Variants in SYNE2 observed in about 807,000 individuals in gnomAD.
The protein encoded by SYNE2 is nesprin-2.
A neutral mutation model predicts 856.3 loss-of-function variants in SYNE2; 431 were observed. The observed-to-expected ratio is 0.50, with a 90% CI of 0.47 to 0.55. SYNE2 has a LOEUF of 0.55. SYNE2 is among the 20% of genes least tolerant of loss of function. The probability of loss-of-function intolerance (pLI) is 0.00; values close to 1 mark genes in which losing one functional copy is unlikely to be tolerated. For missense variants in SYNE2, 8,129 were observed against 8,023.2 expected (o/e 1.01, Z -0.50); for synonymous variants, 2,923 against 2,872.3 (o/e 1.02, Z -0.56).
intron 1 of SYNE2, among the ~76,000 whole-genome samples, chr14:63,896,702 T>A (rs188874449): frequency 1.3e-5 from 2 of 152,344 alleles, no homozygotes; most frequent in South Asian, 2.1e-4. Flanking sequence ...TTCTCCTGAC[T>A]CTAAGTCTAG....
intron 7 of SYNE2, among the ~76,000 whole-genome samples, chr14:63,953,537 G>GAT (rs780493250): frequency 0.044 from 5,208 of 118,788 alleles, 310 homozygotes; most frequent in African/African-American, 0.16. Flanking sequence ...TAGATAGAGA[G>GAT]AGAGAGAGAT....
chr14:64,155,955 C>G (rs78580793), intron 85 of SYNE2, among the ~76,000 whole-genome samples: 5,783 of 152,200 alleles, frequency 0.038, 339 homozygotes, highest in African/African-American at 0.13. Flanking sequence ...TCTGTATCTT[C>G]GGTCAGGTTA....
chr14:64,216,438 AC>A, intron 108 of SYNE2, 51 bp downstream of exon 108: 1 of 1,594,846 alleles, frequency 6.3e-7, no homozygotes, highest in Non-Finnish European at 8.6e-7. Flanking sequence ...AGTCATACTT[AC>A]ATTTGCAAGA....
rs2775001 is a variant in SYNE2, at chr14:63,950,096, A to G, written c.590+90A>G. 0.54 allele frequency: 733,226 copies of G among 1,353,818 alleles called. 202,916 individuals are homozygous for G. The highest frequency in any genetic ancestry group is 0.58 in the South Asian group (49,362 of 85,232). The allele number at this position is 1,353,818 out of a possible 1,614,324, so 83.9% of individuals were successfully genotyped here. On this transcript the variant is annotated intron_variant, in intron 7 of 115. Coordinates refer to ENST00000555002, the MANE Select transcript of SYNE2 (RefSeq NM_182914.3). Reference sequence around the variant, plus strand: ...CACCCAAACACCTCCCTCACTTAACATGAAAATTCTCACTATCCCCCTTCC... The same window carrying G: ...CACCCAAACACCTCCCTCACTTAACGTGAAAATTCTCACTATCCCCCTTCC...
At chr14:63,907,322 A>G (rs2357003) in intron 1 of SYNE2, among the ~76,000 whole-genome samples, 98,955 of 152,044 alleles carry the variant, frequency 0.65, 32,591 homozygotes, top group South Asian at 0.78. Context: ...ACCTTAGGAG[A>G]CACCATCATG....
At chr14:63,933,148 T>A (rs2095787473) in intron 2 of SYNE2, among the ~76,000 whole-genome samples, 1 of 152,196 alleles carries the variant, frequency 6.6e-6, no homozygotes. Context: ...GTCGCAAGGC[T>A]TCCTCATAGA....
At chr14:63,830,272 T>G (rs969373400) in intron 1 of SYNE2, among the ~76,000 whole-genome samples, 2 of 151,908 alleles carry the variant, frequency 1.3e-5, no homozygotes, top group African/African-American at 4.8e-5. Context: ...AGGTTTTTTT[T>G]TTTTTTGAGG....
At chr14:63,820,078 C>A (rs1168200844) in intron 1 of SYNE2, among the ~76,000 whole-genome samples, 6 of 151,648 alleles carry the variant, frequency 4.0e-5, no homozygotes, top group Admixed American at 6.6e-5. Context: ...AACTAAATAA[C>A]TGAAGACCAT....
At chr14:63,778,259 C>T (rs1202013700) in intron 1 of SYNE2, among the ~76,000 whole-genome samples, 1 of 152,106 alleles carries the variant, frequency 6.6e-6, no homozygotes, top group Non-Finnish European at 1.5e-5. Context: ...GTAAGATGTG[C>T]CTGCTTCCCC....
chr14:63,877,034 T>TGAGG (rs1057289509), intron 1 of SYNE2, among the ~76,000 whole-genome samples: 3 of 152,202 alleles, frequency 2.0e-5, no homozygotes, highest in African/African-American at 7.2e-5. Flanking sequence ...GATGAAAGGA[T>TGAGG]GAGGGATACA....
intron 1 of SYNE2, among the ~76,000 whole-genome samples, chr14:63,871,260 C>T (rs1016083467): frequency 2.0e-5 from 3 of 151,082 alleles, no homozygotes; most frequent in Non-Finnish European, 4.4e-5. Context: ...GGCTGGAGTG[C>T]AATGGCTGGA....
chr14:64,002,357 A>G (rs1470227262), intron 29 of SYNE2, among the ~76,000 whole-genome samples: 3 of 152,210 alleles, frequency 2.0e-5, no homozygotes. Flanking sequence ...CTGAATTCCT[A>G]AATATACGAG....
chr14:63,821,734 C>T (rs1889224993), intron 1 of SYNE2, among the ~76,000 whole-genome samples: 1 of 150,442 alleles, frequency 6.6e-6, no homozygotes, highest in African/African-American at 2.5e-5. Context: ...GCCTAGGTGA[C>T]AGAGCAAGAC....
intron 36 of SYNE2, 116 bp downstream of exon 36, chr14:64,021,631 G>A (rs542660053): frequency 3.0e-6 from 4 of 1,332,650 alleles, no homozygotes; most frequent in Non-Finnish European, 4.2e-6. Flanking sequence ...AGAAAACTCA[G>A]AAAAACCGCT....
At chr14:64,200,746 C>T (rs1028677427) in intron 99 of SYNE2, among the ~76,000 whole-genome samples, 1 of 151,954 alleles carries the variant, frequency 6.6e-6, no homozygotes, top group East Asian at 1.9e-4. Flanking sequence ...CATTTATCTC[C>T]GAGGCATTCT....
At chr14:63,806,599 A>G (rs1424467804) in intron 1 of SYNE2, among the ~76,000 whole-genome samples, 4 of 152,132 alleles carry the variant, frequency 2.6e-5, no homozygotes, top group Admixed American at 2.0e-4. Context: ...TTCCTAGTTC[A>G]ATCTTGGGAA....
chr14:64,220,616 A>G lies in SYNE2; in HGVS notation c.20040A>G (p.Arg6680=), dbSNP rs750112421. 1 of 1,614,000 alleles carries G rather than the reference A, an allele frequency of 6.2e-7. No individual in the cohort carries two copies. Among genetic ancestry groups the G allele is most frequent in the Admixed American group, 1.7e-5 (1 of 60,016 alleles). ...TGGACAGCTGGAGAGGGGGCTTACG[A>G]CAGTCGCTCATGCAGTGCCAGGTAC... ...GAVDSWRGGL[R]QSLMQCQDFH... The change falls in exon 111 of 116, where the codon CGA becomes CGG. Residue 6680 remains arginine (R), a synonymous_variant. Transcript: ENST00000555002.
intron 1 of SYNE2, among the ~76,000 whole-genome samples, chr14:63,790,609 T>C (rs1478968743): frequency 6.6e-6 from 1 of 152,152 alleles, no homozygotes; most frequent in African/African-American, 2.4e-5. Flanking sequence ...ATTTCCAAGG[T>C]ATACAGTAGT....
At position 64,048,000 on chromosome 14, in the gene SYNE2, G is replaced by T; in HGVS notation, c.7222G>T (p.Asp2408Tyr). ...CAATTAATCTTTTTATGTATTTCAG[G>T]ATTCAGCTGTGGAAATGGCTATGTC... ...KLEEDWEINK[D>Y]SAVEMAMSKQ... The change falls in exon 46 of 116, where the codon GAT (aspartate) becomes TAT (tyrosine). Residue 2408 changes from aspartate (D) to tyrosine (Y), a missense_variant and splice_region_variant. Coordinates refer to ENST00000555002, the MANE Select transcript of SYNE2 (RefSeq NM_182914.3). 2 of 1,613,584 alleles carry T rather than the reference G, an allele frequency of 1.2e-6. No homozygotes were observed. Among genetic ancestry groups the T allele is most frequent in the Non-Finnish European group, 1.7e-6 (2 of 1,179,746 alleles).
Sources: allele counts gnomAD v4.1 joint callset (sites outside exome capture counted in the v4.1 genomes callset), GRCh38; gene constraint gnomAD v4.1.1; transcripts MANE v1.5; gene names NCBI Gene and HGNC (gene_info 2026-07-23, HGNC 2026-07-21).